ADD1: variants seen among roughly 807,000 people sequenced by gnomAD.
The protein encoded by ADD1 is alpha-adducin.
Under a neutral mutation model 80.5 loss-of-function variants are expected in ADD1, and 24 were observed. The observed-to-expected ratio is 0.30, with a 90% CI of 0.22 to 0.42. The LOEUF (loss-of-function observed/expected upper bound fraction) is 0.42. Ranked by LOEUF, ADD1 falls within the 10% of genes least tolerant of loss-of-function variation. The pLI is 1.00. For missense variants in ADD1, 948 were observed against 1,019.0 expected, an observed-to-expected ratio of 0.93 and a Z score of 0.95; for synonymous variants, 373 against 393.8, an observed-to-expected ratio of 0.95 and a Z score of 0.63.
chr4:2,913,132 G>A (rs559300085), intron 13 of ADD1, among the ~76,000 whole-genome samples: 4 of 152,348 alleles, frequency 2.6e-5, no homozygotes, highest in Admixed American at 2.0e-4. Flanking sequence ...ACAGGTGTGA[G>A]CCACCATGCC....
At chr4:2,878,446 A>C (rs188851323) in intron 2 of ADD1, among the ~76,000 whole-genome samples, 105 of 152,304 alleles carry the variant, frequency 6.9e-4, no homozygotes, top group African/African-American at 2.3e-3. Flanking sequence ...GATAGCACCG[A>C]GACTTTTGGC....
intron 1 of ADD1, among the ~76,000 whole-genome samples, chr4:2,872,702 G>A (rs539377241): frequency 4.5e-4 from 69 of 152,090 alleles, no homozygotes; most frequent in African/African-American, 1.3e-3. Flanking sequence ...GACTACAGGC[G>A]TGTGCCATCA....
rs184477049 is a variant in ADD1 at position 2,916,233 on chromosome 4, G to A, written c.1948+1193G>A. On this transcript the variant is annotated intron_variant, in intron 14 of 15. Transcript: ENST00000683351. ...TATTTTTGAGATGAAGTCTTGCTCT[G>A]TCGCCAGGCTGGAGTGCAGTGGCAC... Among the ~76,000 whole-genome samples the A allele has an allele frequency of 5.2e-3, 778 of 150,650 alleles. 3 individuals carry two copies. The highest frequency in any genetic ancestry group is 0.018 in the African/African-American group (728 of 41,110).
chr4:2,899,090 A>G, intron 8 of ADD1, 169 bp from the exon 9 acceptor site: 1 of 715,238 alleles, frequency 1.4e-6, no homozygotes, highest in Non-Finnish European at 2.2e-6. Context: ...TGCTAAAGAA[A>G]TACTTCTGAA....
chr4:2,905,288 A>G lies in ADD1; in HGVS notation c.1506+180A>G, dbSNP rs35901837. 643 of 617,588 alleles carry G rather than the reference A, an allele frequency of 1.0e-3. 3 individuals carry two copies. In the African/African-American group the frequency reaches 0.011, roughly 10 times the overall value. The allele number at this position is 617,588 out of a possible 1,614,324, so 38.3% of individuals were successfully genotyped here. A position where few individuals can be genotyped will look rare whatever the true frequency, so the allele number is the denominator to read the frequency against. On this transcript the variant is annotated intron_variant, in intron 10 of 15. Transcript: ENST00000683351. ...GCATTACTAAAATTCGGATAATACTATCTGCTTGAAACTGCTTAAGATGTA... is the reference window on the plus strand; with the variant it reads ...GCATTACTAAAATTCGGATAATACTGTCTGCTTGAAACTGCTTAAGATGTA...
At chr4:2,858,739 C>T (rs182546207) in intron 1 of ADD1, among the ~76,000 whole-genome samples, 1 of 152,334 alleles carries the variant, frequency 6.6e-6, no homozygotes, top group African/African-American at 2.4e-5. Flanking sequence ...GTATTTCTAG[C>T]AGTTTGGGAA....
intron 1 of ADD1, among the ~76,000 whole-genome samples, chr4:2,864,375 C>G (rs887530117): frequency 6.6e-6 from 1 of 152,100 alleles, no homozygotes; most frequent in East Asian, 1.9e-4. Context: ...ATCGTGCGTG[C>G]CATTGCTCCA....
At chr4:2,884,057 T>C (rs1039181952) in intron 3 of ADD1, among the ~76,000 whole-genome samples, 2 of 152,256 alleles carry the variant, frequency 1.3e-5, no homozygotes, top group Admixed American at 1.3e-4. Flanking sequence ...TTTTTAAACT[T>C]CTCAGAGATT....
chr4:2,909,198 A>G, intron 12 of ADD1, 141 bp from the exon 13 acceptor site: 1 of 696,108 alleles, frequency 1.4e-6, no homozygotes. Flanking sequence ...CAGTGTCTGC[A>G]CGTCCTGCCA....
rs771336071 is a variant in ADD1 at position 2,893,988 on chromosome 4, G to C, written c.511-25G>C. 2.5e-6 allele frequency: 4 copies of C among 1,600,494 alleles called. No homozygotes were observed. The African/African-American group carries it at 5.4e-5, about 21-fold the overall frequency. ...CAAATAATTTCACTTGGATCTTTGA[G>C]CTAATTCAGTCATTTTCCCCACAGA... On this transcript the variant is annotated intron_variant, in intron 4 of 15. Coordinates refer to ENST00000683351, the MANE Select transcript of ADD1 (RefSeq NM_001354761.2).
At chr4:2,870,047 C>T (rs1385117687) in intron 1 of ADD1, among the ~76,000 whole-genome samples, 1 of 152,168 alleles carries the variant, frequency 6.6e-6, no homozygotes, top group South Asian at 2.1e-4. Flanking sequence ...TAGTTTCAGC[C>T]GTAAGTTTTC....
chr4:2,928,495 A>G lies in ADD1; in HGVS notation c.2372A>G (p.Lys791Arg), dbSNP rs769317903. ...AAGTTCCGTACCCCGTCCTTTCTGA[A>G]GAAGAGCAAGAAGAAGAGTGACTCC... ...KKKFRTPSFL[K>R]KSKKKSDS The change falls in exon 16 of 16, where the codon AAG (lysine) becomes AGG (arginine). Residue 791 changes from lysine to arginine, a missense_variant. Physicochemically the swap from Lys to Arg is conservative, Grantham distance 26. Transcript: ENST00000683351. The G allele has an allele frequency of 1.2e-5, 20 of 1,613,522 alleles. No individual in the cohort carries two copies. The highest frequency in any genetic ancestry group is 1.6e-5 in the Non-Finnish European group (19 of 1,179,960).
At position 2,894,945 on chromosome 4, in the gene ADD1, A is replaced by G. The variant is rs765686729; in HGVS notation, c.741+214A>G. 1.6e-4 allele frequency among the ~76,000 whole-genome samples: 24 copies of G among 152,170 alleles called. No homozygotes were observed. The highest frequency in any genetic ancestry group is 3.1e-4 in the Non-Finnish European group (21 of 68,024). Reference sequence around the variant, plus strand: ...CCCATTTAATTTGGAAAAACATGTAATAAGTCTGAAAATGCCTATTAGATT... The same window carrying G: ...CCCATTTAATTTGGAAAAACATGTAGTAAGTCTGAAAATGCCTATTAGATT... On this transcript the variant is annotated intron_variant, in intron 6 of 15. Transcript: ENST00000683351.
At chr4:2,908,651 A>T (rs1304837641) in intron 12 of ADD1, 47 bp downstream of exon 12, 2 of 1,484,544 alleles carry the variant, frequency 1.3e-6, no homozygotes, top group Non-Finnish European at 1.9e-6. Flanking sequence ...TGGCTGTGTG[A>T]CCGCCTGCTC....
intron 1 of ADD1, among the ~76,000 whole-genome samples, chr4:2,867,021 A>G (rs958798025): frequency 1.2e-4 from 18 of 152,162 alleles, no homozygotes; most frequent in African/African-American, 4.1e-4. Flanking sequence ...CAGTGAGCCA[A>G]CATCACGCCA....
chr4:2,899,817 C>A (rs1253606737), intron 9 of ADD1: 3 of 339,496 alleles, frequency 8.8e-6, no homozygotes, highest in African/African-American at 2.2e-5. Flanking sequence ...ACAGCAAATC[C>A]TGGCTGTCTG....
intron 1 of ADD1, among the ~76,000 whole-genome samples, chr4:2,856,099 C>T (rs932728944): frequency 6.6e-6 from 1 of 151,874 alleles, no homozygotes; most frequent in Non-Finnish European, 1.5e-5. Flanking sequence ...TATTATGTTG[C>T]CCAGGCTGGT....
At chr4:2,865,987 G>A (rs114789742) in intron 1 of ADD1, among the ~76,000 whole-genome samples, 2,854 of 152,274 alleles carry the variant, frequency 0.019, 48 homozygotes, top group Middle Eastern at 0.051. Flanking sequence ...AGTAACTACA[G>A]CAGAGTCTCT....
chr4:2,918,574 G>GC (rs1399621722), intron 14 of ADD1, among the ~76,000 whole-genome samples: 6 of 152,162 alleles, frequency 3.9e-5, no homozygotes, highest in African/African-American at 1.4e-4. Flanking sequence ...GTGAGAGAGG[G>GC]CATCCTTGTC....
Sources: allele counts gnomAD v4.1 joint callset (sites outside exome capture counted in the v4.1 genomes callset), GRCh38; gene constraint gnomAD v4.1.1; transcripts MANE v1.5; gene names NCBI Gene and HGNC (gene_info 2026-07-23, HGNC 2026-07-21).